Variants in TTC13 observed in about 807,000 individuals in gnomAD.
TTC13 encodes the protein tetratricopeptide repeat domain 13, also known as tetratricopeptide repeat protein 13.
Under a neutral mutation model 120.0 loss-of-function variants are expected in TTC13, and 62 were observed. That is an observed-to-expected ratio of 0.52 (90% CI 0.42 to 0.64). The LOEUF is 0.64. TTC13 is among the 30% of genes least tolerant of loss of function. The pLI, the probability that TTC13 is intolerant of heterozygous loss-of-function variation, is 0.00. For missense variants in TTC13, 824 were observed against 1,050.2 expected (o/e 0.78, Z 2.98); for synonymous variants, 384 against 393.5 (o/e 0.98, Z 0.28).
intron 2 of TTC13, 21 bp from the exon 3 acceptor site, chr1:230,958,320 A>G (rs768983308): frequency 7.2e-7 from 1 of 1,380,004 alleles, no homozygotes; most frequent in Admixed American, 2.1e-5. Context: ...AAAAAAAAAA[A>G]CCCATACATT....
intron 6 of TTC13, among the ~76,000 whole-genome samples, 171 bp downstream of exon 6, chr1:230,943,635 A>G (rs6541239): frequency 0.86 from 130,760 of 152,194 alleles, 56,204 homozygotes; most frequent in East Asian, 0.98. Flanking sequence ...ATATCACTCA[A>G]TCCATAGTTT....
At chr1:230,961,133 G>A (rs1676597925) in intron 2 of TTC13, 76 bp downstream of exon 2, 1 of 1,136,538 alleles carries the variant, frequency 8.8e-7, no homozygotes, top group East Asian at 2.4e-5. Context: ...AGTTGACAGA[G>A]GCGACTTCCA....
At chr1:230,948,225 C>T (rs994697563) in intron 4 of TTC13, among the ~76,000 whole-genome samples, 2 of 151,958 alleles carry the variant, frequency 1.3e-5, no homozygotes, top group African/African-American at 4.8e-5. Context: ...TACACATGTG[C>T]ACAATATATA....
intron 3 of TTC13, among the ~76,000 whole-genome samples, chr1:230,956,803 G>A (rs1438144393): frequency 6.6e-6 from 1 of 152,102 alleles, no homozygotes; most frequent in Non-Finnish European, 1.5e-5. Flanking sequence ...CAAATATTAG[G>A]ATCTAAATTT....
chr1:230,949,237 G>T (rs1468528873), intron 4 of TTC13, among the ~76,000 whole-genome samples: 1 of 126,536 alleles, frequency 7.9e-6, no homozygotes, highest in African/African-American at 3.1e-5. Context: ...GAAGCAAGCA[G>T]GACAACATGG....
At chr1:230,929,262 CACTG>C (rs1673324516) in intron 11 of TTC13, among the ~76,000 whole-genome samples, 169 bp from the exon 12 acceptor site, 1 of 151,866 alleles carries the variant, frequency 6.6e-6, no homozygotes, top group South Asian at 2.1e-4. Flanking sequence ...GGTAACCTGC[CACTG>C]ACTTGAGATA....
Position 230,958,246 on chromosome 1 carries a change from A to G in TTC13, c.420T>C (p.Asn140=). 2 of 1,613,196 alleles carry G rather than the reference A, an allele frequency of 1.2e-6. No individual in the cohort carries two copies. Among genetic ancestry groups the G allele is most frequent in the Non-Finnish European group, 1.7e-6 (2 of 1,179,830 alleles). Residue 140 remains asparagine (N), a synonymous_variant, in exon 3 of 23, where the codon AAT becomes AAC. Coordinates refer to ENST00000366661, the MANE Select transcript of TTC13 (RefSeq NM_024525.5). ...EQKRFPFATD[N]DSTNEELAIA... ...TACCTAACTCTTCATTTGTGCTGTC[A>G]TTATCAGTGGCAAACGGGAATCTCT...
intron 4 of TTC13, among the ~76,000 whole-genome samples, chr1:230,951,781 G>GA (rs11463611): frequency 0.68 from 102,898 of 152,040 alleles, 34,910 homozygotes; most frequent in Admixed American, 0.72. Context: ...ATTAGATTTA[G>GA]AGAATAATCA....
At chr1:230,920,368 CT>C in intron 17 of TTC13, 141 bp downstream of exon 17, 1 of 545,906 alleles carries the variant, frequency 1.8e-6, no homozygotes, top group Non-Finnish European at 3.2e-6. Context: ...CCTGTAGGTT[CT>C]TTTATTTTGG....
chr1:230,937,913 C>A (rs573849909), intron 8 of TTC13, among the ~76,000 whole-genome samples: 6 of 152,318 alleles, frequency 3.9e-5, no homozygotes, highest in Non-Finnish European at 5.9e-5. Flanking sequence ...AGAGCTCAAA[C>A]CAAGACCATT....
chr1:230,910,402 G>T (rs1385957377), intron 20 of TTC13, among the ~76,000 whole-genome samples: 1 of 152,226 alleles, frequency 6.6e-6, no homozygotes. Flanking sequence ...GCCAAGCTCG[G>T]CTTAAACCCA....
intron 16 of TTC13, 123 bp downstream of exon 16, chr1:230,921,298 G>T: frequency 1.7e-6 from 1 of 584,452 alleles, no homozygotes; most frequent in Non-Finnish European, 3.0e-6. Context: ...TAAACACTGT[G>T]TAAAAATTTG....
At chr1:230,958,633 C>A (rs976992889) in intron 2 of TTC13, among the ~76,000 whole-genome samples, 47 of 152,158 alleles carry the variant, frequency 3.1e-4, no homozygotes, top group African/African-American at 1.1e-3. Flanking sequence ...GAACATGAGC[C>A]CTTCCTCTTT....
At chr1:230,913,881 G>A (rs935118334) in intron 18 of TTC13, among the ~76,000 whole-genome samples, 12 of 152,180 alleles carry the variant, frequency 7.9e-5, no homozygotes, top group African/African-American at 2.9e-4. Context: ...GATGGTCCAG[G>A]TCAAGCAGGA....
chr1:230,975,774 CA>C (rs1423230681), intron 1 of TTC13, among the ~76,000 whole-genome samples: 1 of 152,066 alleles, frequency 6.6e-6, no homozygotes, highest in Non-Finnish European at 1.5e-5. Flanking sequence ...CATATGGCAC[CA>C]GAGGGACATC....
chr1:230,951,406 G>T (rs1178545216), intron 4 of TTC13, among the ~76,000 whole-genome samples: 1 of 151,556 alleles, frequency 6.6e-6, no homozygotes, highest in Non-Finnish European at 1.5e-5. Flanking sequence ...AAGAGTTAAT[G>T]AACTCAAGAA....
chr1:230,966,055 C>T (rs1042827972), intron 1 of TTC13, among the ~76,000 whole-genome samples: 4 of 152,136 alleles, frequency 2.6e-5, no homozygotes, highest in East Asian at 3.8e-4. Context: ...TTTGTTTCCA[C>T]ACTTTCTAAT....
At chr1:230,908,522 T>G in intron 22 of TTC13, 190 bp downstream of exon 22, 1 of 600,404 alleles carries the variant, frequency 1.7e-6, no homozygotes, top group South Asian at 2.0e-5. Flanking sequence ...ACATTCACCC[T>G]TAAAAGGTTA....
At chr1:230,936,348 C>T in intron 8 of TTC13, 1 of 419,624 alleles carries the variant, frequency 2.4e-6, no homozygotes, top group South Asian at 1.7e-5. Context: ...AATCTCTAAG[C>T]ATATGAACTG....
Sources: gnomAD v4.1 joint callset for allele counts (sites outside exome capture counted in the v4.1 genomes callset) on GRCh38, gnomAD v4.1.1 for gene constraint, MANE v1.5 for transcripts, NCBI Gene and HGNC (gene_info 2026-07-23, HGNC 2026-07-21) for gene names.